NRG1: variants seen among roughly 807,000 people sequenced by gnomAD.
NRG1 encodes the protein pro-neuregulin-1, membrane-bound isoform.
In NRG1, 18 loss-of-function variants were observed where a neutral mutation model predicts 63.8. The observed-to-expected ratio is 0.28, with a 90% CI of 0.19 to 0.42. NRG1 has a LOEUF of 0.42. Among genes scored for constraint, NRG1 ranks in the 10% least tolerant of loss-of-function variants. The pLI is 1.00. For synonymous variants in NRG1, 302 were observed against 301.3 expected, an observed-to-expected ratio of 1.00 and a Z score of -0.02; for missense variants, 762 against 814.7, an observed-to-expected ratio of 0.94 and a Z score of 0.79.
chr8:32,385,126 TCTC>T (rs2129483586), intron 1 of NRG1, among the ~76,000 whole-genome samples: 1 of 152,128 alleles, frequency 6.6e-6, no homozygotes, highest in African/African-American at 2.4e-5. Context: ...TGCATGCCAT[TCTC>T]CTGCCTCAGC....
intron 1 of NRG1, among the ~76,000 whole-genome samples, chr8:31,993,467 G>T (rs1196945157): frequency 6.6e-6 from 1 of 151,942 alleles, no homozygotes; most frequent in African/African-American, 2.4e-5. Flanking sequence ...AATCATGGGG[G>T]CAGTTTCCCC....
At chr8:32,186,456 G>A (rs753220136) in intron 1 of NRG1, among the ~76,000 whole-genome samples, 22 of 127,428 alleles carry the variant, frequency 1.7e-4, no homozygotes, top group Admixed American at 2.7e-4. Flanking sequence ...GCGAGACTCC[G>A]TCTCAAAAAA....
At chr8:32,017,688 G>C (rs955212583) in intron 1 of NRG1, among the ~76,000 whole-genome samples, 3 of 152,200 alleles carry the variant, frequency 2.0e-5, no homozygotes, top group African/African-American at 7.2e-5. Context: ...TCAGTTTGTT[G>C]TAAAGGATAT....
intron 1 of NRG1, among the ~76,000 whole-genome samples, chr8:32,024,047 G>C (rs1416852507): frequency 6.6e-6 from 1 of 152,090 alleles, no homozygotes; most frequent in Admixed American, 6.6e-5. Context: ...CTTATCAATG[G>C]GTCTTTCAGG....
chr8:32,334,544 G>A (rs1234100110), intron 1 of NRG1, among the ~76,000 whole-genome samples: 1 of 152,124 alleles, frequency 6.6e-6, no homozygotes, highest in Admixed American at 6.5e-5. Flanking sequence ...CATCTCCTCT[G>A]GCTAAGAAAA....
chr8:31,988,052 A>G (rs1168759347), intron 1 of NRG1, among the ~76,000 whole-genome samples: 4 of 152,118 alleles, frequency 2.6e-5, no homozygotes, highest in East Asian at 3.9e-4. Context: ...AAAGGACACT[A>G]ACTGTAATAG....
rs973668749 is a variant in NRG1, at chr8:32,614,425, A to T, written c.401-89A>T. The T allele has an allele frequency of 2.3e-6, 3 of 1,281,324 alleles. No individual in the cohort carries two copies. In the African/African-American group the frequency reaches 4.4e-5, roughly 19 times the overall value. 79.4% of individuals were successfully genotyped at this position (1,281,324 alleles called of 1,614,324 possible). On this transcript the variant is annotated intron_variant, in intron 3 of 11. Coordinates refer to ENST00000356819, the Ensembl canonical transcript of NRG1. Reference sequence around the variant, plus strand: ...CCCTTGCAATACTTCCTTCCTTTACACTTAACTTTTAGTTCCAAGGCAGGC... The same window carrying T: ...CCCTTGCAATACTTCCTTCCTTTACTCTTAACTTTTAGTTCCAAGGCAGGC...
At chr8:32,046,372 T>C (rs998240560) in intron 1 of NRG1, among the ~76,000 whole-genome samples, 1 of 152,098 alleles carries the variant, frequency 6.6e-6, no homozygotes, top group Non-Finnish European at 1.5e-5. Context: ...GCAAAGCTGC[T>C]TGAAAAATGG....
At chr8:31,896,799 A>G (rs1185813073) in intron 1 of NRG1, among the ~76,000 whole-genome samples, 2 of 152,180 alleles carry the variant, frequency 1.3e-5, no homozygotes, top group Non-Finnish European at 2.9e-5. Context: ...GGAATATTTA[A>G]TTGCTTGTTA....
chr8:31,743,353 G>A (rs1348981667), intron 1 of NRG1, among the ~76,000 whole-genome samples: 1 of 151,934 alleles, frequency 6.6e-6, no homozygotes, highest in African/African-American at 2.4e-5. Flanking sequence ...TGACTGCACT[G>A]TGTCAGAGTT....
At chr8:32,260,618 A>G (rs1411748029) in intron 1 of NRG1, among the ~76,000 whole-genome samples, 3 of 152,158 alleles carry the variant, frequency 2.0e-5, no homozygotes, top group African/African-American at 7.2e-5. Flanking sequence ...TCCTTTCTCA[A>G]CAACTCTCAG....
intron 1 of NRG1, among the ~76,000 whole-genome samples, chr8:31,699,557 A>G (rs1392983123): frequency 6.6e-6 from 1 of 152,128 alleles, no homozygotes; most frequent in Non-Finnish European, 1.5e-5. Flanking sequence ...CTTACCCACT[A>G]TAAAGTGTGG....
Position 32,036,681 on chromosome 8 carries a change from G to A in NRG1, c.37+397250G>A, listed in dbSNP as rs533462663. On this transcript the variant is annotated intron_variant, in intron 1 of 10. Transcript: ENST00000519301. ...CTGCCTGCTTTATTTCGGCAAGATAGTCTTCAAGCTCTGATATCCTTTTTT... is the reference window on the plus strand; with the variant it reads ...CTGCCTGCTTTATTTCGGCAAGATAATCTTCAAGCTCTGATATCCTTTTTT... Among the ~76,000 whole-genome samples the A allele has an allele frequency of 5.7e-4, 87 of 152,220 alleles. 1 individual carries two copies. In the South Asian group the frequency reaches 0.016, roughly 27 times the overall value.
chr8:31,656,092 C>G (rs1054603259), intron 1 of NRG1, among the ~76,000 whole-genome samples: 2 of 152,102 alleles, frequency 1.3e-5, no homozygotes, highest in Non-Finnish European at 2.9e-5. Flanking sequence ...AAGGACATGA[C>G]ATTTCTAGCT....
chr8:32,510,113 A>ATCATCATC (rs1554566632), intron 1 of NRG1, among the ~76,000 whole-genome samples: 1 of 126,038 alleles, frequency 7.9e-6, no homozygotes, highest in Non-Finnish European at 1.8e-5. Context: ...TAATAATAAT[A>ATCATCATC]ATAATAATAA....
chr8:32,669,307 T>A (rs892801442), intron 5 of NRG1, among the ~76,000 whole-genome samples: 1 of 152,202 alleles, frequency 6.6e-6, no homozygotes, highest in Non-Finnish European at 1.5e-5. Context: ...TCTTGATGTA[T>A]CAGGTGTGTT....
chr8:32,350,244 C>G (rs1805431197), intron 1 of NRG1, among the ~76,000 whole-genome samples: 1 of 152,154 alleles, frequency 6.6e-6, no homozygotes, highest in African/African-American at 2.4e-5. Context: ...CCAGAATATC[C>G]TTCTTGCTTG....
chr8:32,000,763 G>A (rs906378049), intron 1 of NRG1, among the ~76,000 whole-genome samples: 2 of 151,768 alleles, frequency 1.3e-5, no homozygotes, highest in Non-Finnish European at 1.5e-5. Context: ...AAATATATTA[G>A]GTTGGTGCAA....
At chr8:32,500,732 T>C (rs998385846) in intron 1 of NRG1, among the ~76,000 whole-genome samples, 1 of 152,218 alleles carries the variant, frequency 6.6e-6, no homozygotes, top group Non-Finnish European at 1.5e-5. Context: ...GAAGACATAA[T>C]CTATTAAATT....
Sources: gnomAD v4.1 joint callset for allele counts (sites outside exome capture counted in the v4.1 genomes callset) on GRCh38, gnomAD v4.1.1 for gene constraint, MANE v1.5 for transcripts, NCBI Gene and HGNC (gene_info 2026-07-23, HGNC 2026-07-21) for gene names.